Variants in ANK2 observed in about 807,000 individuals in gnomAD.
ANK2 encodes ankyrin-2.
In ANK2, 83 loss-of-function variants were observed where a neutral mutation model predicts 360.5. The ratio of observed to expected loss-of-function variants is 0.23; its 90% CI spans 0.19 to 0.28. The LOEUF (loss-of-function observed/expected upper bound fraction) is 0.28, where lower values mean the gene tolerates loss of function less well. Ranked by LOEUF, ANK2 falls within the 10% of genes least tolerant of loss-of-function variation. The pLI is 1.00. For synonymous variants in ANK2, 1,740 were observed against 1,759.5 expected, an observed-to-expected ratio of 0.99 and a Z score of 0.28; for missense variants, 4,201 against 4,795.7, an observed-to-expected ratio of 0.88 and a Z score of 3.66.
rs533725214 is a variant in ANK2, at chr4:113,019,030, C to A, written c.21+114516C>A. On this transcript the variant is annotated intron_variant, in intron 2 of 30. Transcript: ENST00000503271. ...ACAACTATGCAACTTCCTTTTTGAGCATTTATGATAAGATTTTAATGCTTT... is the reference window on the plus strand; with the variant it reads ...ACAACTATGCAACTTCCTTTTTGAGAATTTATGATAAGATTTTAATGCTTT... Among the ~76,000 whole-genome samples, 7 of 152,128 alleles carry A rather than the reference C, an allele frequency of 4.6e-5. 1 individual carries two copies. In the South Asian group the frequency reaches 1.0e-3, roughly 23 times the overall value.
intron 4 of ANK2, among the ~76,000 whole-genome samples, chr4:113,205,235 CAAAA>C (rs369993364): frequency 3.1e-5 from 2 of 64,024 alleles, no homozygotes; most frequent in African/African-American, 1.3e-4. Context: ...GACTCCGTCT[CAAAA>C]AAAAAAAAAA....
In ANK2 at chr4:113,272,518, T is replaced by A. The variant is rs569703678; in HGVS notation, c.1486-1934T>A. Among the ~76,000 whole-genome samples the A allele has an allele frequency of 6.6e-5, 10 of 152,344 alleles. No homozygotes were observed. In the South Asian group the frequency reaches 8.3e-4, roughly 13 times the overall value. ...AAAGTCTTATATCCCTGGTTACAGGTTGAAAGATTTTCTTTGCAAAATTTG... is the reference window on the plus strand; with the variant it reads ...AAAGTCTTATATCCCTGGTTACAGGATGAAAGATTTTCTTTGCAAAATTTG... On this transcript the variant is annotated intron_variant, in intron 14 of 45. Coordinates refer to ENST00000357077, the MANE Select transcript of ANK2 (RefSeq NM_001148.6).
chr4:112,837,155 C>G (rs1237369306), intron 1 of ANK2, among the ~76,000 whole-genome samples: 1 of 152,214 alleles, frequency 6.6e-6, no homozygotes, highest in Non-Finnish European at 1.5e-5. Context: ...ACAGGGCACC[C>G]TGCATCCCAG....
rs2099388710 is a variant in ANK2 at position 113,236,970 on chromosome 4, A to C, written c.484-17A>C. 6.2e-7 allele frequency: 1 copy of C among 1,613,620 alleles called. No homozygotes were observed. The highest frequency in any genetic ancestry group is 1.1e-5 in the South Asian group (1 of 91,070). On this transcript the variant is annotated splice_polypyrimidine_tract_variant and intron_variant, in intron 5 of 45. Transcript: ENST00000357077. ...CTGAAGATGTTAACAGACAATTTTT[A>C]CCTTCCATTTTACCAGGATGGCTTT...
intron 1 of ANK2, among the ~76,000 whole-genome samples, chr4:112,900,860 G>C (rs933553084): frequency 6.6e-6 from 1 of 152,192 alleles, no homozygotes; most frequent in Non-Finnish European, 1.5e-5. Context: ...CTATGTGTAA[G>C]ACCAAGGCTT....
intron 17 of ANK2, among the ~76,000 whole-genome samples, chr4:113,280,076 T>C (rs1393629471): frequency 6.6e-6 from 1 of 152,150 alleles, no homozygotes; most frequent in African/African-American, 2.4e-5. Context: ...TACCAGCATT[T>C]TTTTTTTCAT....
chr4:112,927,478 G>A (rs965846708), intron 2 of ANK2, among the ~76,000 whole-genome samples: 3 of 152,076 alleles, frequency 2.0e-5, no homozygotes, highest in African/African-American at 7.2e-5. Context: ...CATGTCACTG[G>A]ATCAGGAGAC....
intron 2 of ANK2, among the ~76,000 whole-genome samples, chr4:112,905,053 A>C (rs2084739615): frequency 2.0e-5 from 3 of 152,208 alleles, no homozygotes; most frequent in African/African-American, 7.2e-5. Context: ...TATTAGACTT[A>C]AATGATAGAA....
chr4:112,875,141 C>A (rs560754516), intron 1 of ANK2, among the ~76,000 whole-genome samples: 2 of 152,010 alleles, frequency 1.3e-5, no homozygotes, highest in Non-Finnish European at 2.9e-5. Flanking sequence ...TGTGCCTCAG[C>A]CTCCTCAGTA....
intron 1 of ANK2, among the ~76,000 whole-genome samples, chr4:113,159,401 C>A (rs1046023939): frequency 2.6e-5 from 4 of 152,032 alleles, no homozygotes; most frequent in Non-Finnish European, 4.4e-5. Flanking sequence ...TACCAATGAT[C>A]TCTTTTATTT....
At chr4:113,279,631 A>G (rs749790580) in intron 17 of ANK2, among the ~76,000 whole-genome samples, 11 of 149,398 alleles carry the variant, frequency 7.4e-5, no homozygotes, top group Non-Finnish European at 1.6e-4. Flanking sequence ...TAAATTTTAT[A>G]CATATTATAA....
At chr4:112,830,728 C>T (rs182982056) in intron 1 of ANK2, among the ~76,000 whole-genome samples, 20 of 152,314 alleles carry the variant, frequency 1.3e-4, no homozygotes, top group South Asian at 6.2e-4. Context: ...CCCTTCAGCC[C>T]GCAGCTGCAC....
chr4:113,218,745 T>C (rs1269401150), intron 4 of ANK2, among the ~76,000 whole-genome samples: 1 of 152,140 alleles, frequency 6.6e-6, no homozygotes, highest in Non-Finnish European at 1.5e-5. Flanking sequence ...AGAAAACTAT[T>C]TGGTAGTCAT....
intron 4 of ANK2, among the ~76,000 whole-genome samples, chr4:113,205,624 C>T (rs886555604): frequency 6.6e-6 from 1 of 152,252 alleles, no homozygotes; most frequent in African/African-American, 2.4e-5. Flanking sequence ...CTACAGACCA[C>T]GACTATTAAT....
At chr4:112,940,345 CTG>C (rs1258863543) in intron 2 of ANK2, among the ~76,000 whole-genome samples, 2 of 152,132 alleles carry the variant, frequency 1.3e-5, no homozygotes. Context: ...AAGCCTAAAA[CTG>C]TGCTAGGAAC....
intron 3 of ANK2, among the ~76,000 whole-genome samples, chr4:113,198,749 T>C (rs2098787037): frequency 6.6e-6 from 1 of 152,110 alleles, no homozygotes; most frequent in South Asian, 2.1e-4. Context: ...CCCCCACAAA[T>C]TTTTGATTCA....
chr4:113,166,622 G>GTAGT (rs1365838493), intron 1 of ANK2, among the ~76,000 whole-genome samples: 2 of 151,150 alleles, frequency 1.3e-5, no homozygotes, highest in East Asian at 3.9e-4. Context: ...TTTCTTTTTG[G>GTAGT]TAGTAATTCT....
intron 2 of ANK2, among the ~76,000 whole-genome samples, chr4:112,989,664 C>G (rs1470030941): frequency 6.6e-6 from 1 of 152,138 alleles, no homozygotes; most frequent in East Asian, 1.9e-4. Flanking sequence ...CTTGTCAGCT[C>G]TCTCAAATTG....
intron 1 of ANK2, among the ~76,000 whole-genome samples, chr4:112,844,899 G>A (rs1424906740): frequency 2.0e-5 from 3 of 152,118 alleles, no homozygotes; most frequent in South Asian, 2.1e-4. Context: ...ATCCTCTCAT[G>A]GGATATCAGA....
Sources: allele counts gnomAD v4.1 joint callset (sites outside exome capture counted in the v4.1 genomes callset), GRCh38; gene constraint gnomAD v4.1.1; transcripts MANE v1.5; gene names NCBI Gene and HGNC (gene_info 2026-07-23, HGNC 2026-07-21).